Variants in RAB38 observed in about 807,000 individuals in gnomAD.
RAB38 encodes the protein ras-related protein Rab-38.
In RAB38, 15 loss-of-function variants were observed where a neutral mutation model predicts 18.4. That is an observed-to-expected ratio of 0.82 (90% confidence interval 0.55 to 1.26). The LOEUF (loss-of-function observed/expected upper bound fraction) is 1.26, where lower values mean the gene tolerates loss of function less well. Among genes scored for constraint, RAB38 ranks in the 50% most tolerant of loss-of-function variants. The pLI is 0.00. For missense variants in RAB38, 294 were observed against 267.4 expected (o/e 1.10, Z -0.69); for synonymous variants, 101 against 104.4 (o/e 0.97, Z 0.20).
chr11:87,904,701 A>C, the RAB38 span, among the ~76,000 whole-genome samples: 447 of 132,944 alleles, frequency 3.4e-3, 4 homozygotes, highest in African/African-American at 0.015. Flanking sequence ...TCCCTCCAAC[A>C]GTGTATAAGT....
the RAB38 span, among the ~76,000 whole-genome samples, chr11:87,818,687 T>C: frequency 6.6e-6 from 1 of 152,180 alleles, no homozygotes; most frequent in African/African-American, 2.4e-5. Context: ...ACAGACTTAC[T>C]AGTTTTTTTA....
At chr11:87,967,910 T>C in the RAB38 span, among the ~76,000 whole-genome samples, 1 of 152,090 alleles carries the variant, frequency 6.6e-6, no homozygotes, top group Admixed American at 6.6e-5. Flanking sequence ...GCGGGAGGTG[T>C]TGGGTGTGTA....
At chr11:87,809,919 A>G in the RAB38 span, among the ~76,000 whole-genome samples, 4 of 149,928 alleles carry the variant, frequency 2.7e-5, no homozygotes, top group African/African-American at 7.4e-5. Flanking sequence ...AAAATATTAT[A>G]TCTCTTTTGA....
chr11:87,897,244 G>T, the RAB38 span, among the ~76,000 whole-genome samples: 1 of 151,490 alleles, frequency 6.6e-6, no homozygotes, highest in Non-Finnish European at 1.5e-5. Context: ...GAATCAGCCA[G>T]TATGTTTACA....
chr11:88,029,470 G>A, the RAB38 span, among the ~76,000 whole-genome samples: 5 of 152,110 alleles, frequency 3.3e-5, no homozygotes, highest in Admixed American at 6.6e-5. Context: ...TCAGTGTGCG[G>A]TATTCAGGAA....
the RAB38 span, among the ~76,000 whole-genome samples, chr11:88,043,611 C>A: frequency 8.0e-6 from 1 of 125,728 alleles, no homozygotes; most frequent in African/African-American, 2.7e-5. Context: ...GACCCCCCCA[C>A]CCTGCCCACC....
At chr11:88,118,770 T>C (rs1472775483) in intron 2 of RAB38, among the ~76,000 whole-genome samples, 1 of 152,206 alleles carries the variant, frequency 6.6e-6, no homozygotes, top group Non-Finnish European at 1.5e-5. Context: ...GAATCTTTCA[T>C]TGGTACTGAT....
In RAB38 at chr11:88,175,230, T is replaced by G. The variant is rs931876479; in HGVS notation, c.155A>C (p.His52Pro). The change falls in exon 1 of 3, where the codon CAC becomes CCC. Residue 52 changes from histidine (H) to proline (P), a missense_variant. His to Pro is a moderately conservative substitution (Grantham distance 77). Transcript: ENST00000243662. Reference protein sequence around the residue: ...IGVDFALKVLHWDPETVVRLQ... With the variant: ...IGVDFALKVLPWDPETVVRLQ... Reference sequence around the variant, plus strand: ...GCGCACCACAGTCTCCGGGTCCCAGTGGAGCACCTTGAGCGCGAAGTCCAC... The same window carrying G: ...GCGCACCACAGTCTCCGGGTCCCAGGGGAGCACCTTGAGCGCGAAGTCCAC... 1.2e-6 allele frequency: 2 copies of G among 1,613,954 alleles called. No homozygotes were observed. The highest frequency in any genetic ancestry group is 2.7e-5 in the African/African-American group (2 of 75,058).
the RAB38 span, among the ~76,000 whole-genome samples, chr11:88,038,868 G>A: frequency 6.6e-6 from 1 of 152,078 alleles, no homozygotes; most frequent in Non-Finnish European, 1.5e-5. Flanking sequence ...AATCCACATT[G>A]CAATCAGCAA....
At chr11:87,937,883 T>G in the RAB38 span, among the ~76,000 whole-genome samples, 5 of 151,446 alleles carry the variant, frequency 3.3e-5, no homozygotes, top group Non-Finnish European at 7.4e-5. Context: ...TTTTTTTTTT[T>G]TTTTTTTTAT....
chr11:88,023,297 A>G, the RAB38 span, among the ~76,000 whole-genome samples: 1 of 152,006 alleles, frequency 6.6e-6, no homozygotes, highest in African/African-American at 2.4e-5. Context: ...ATGTTTTTCC[A>G]TTTATAATAG....
chr11:87,955,507 A>AAAGTT, the RAB38 span, among the ~76,000 whole-genome samples: 1 of 152,286 alleles, frequency 6.6e-6, no homozygotes, highest in East Asian at 1.9e-4. Flanking sequence ...ATCTAAAATA[A>AAAGTT]AAGTTAAAAT....
the RAB38 span, among the ~76,000 whole-genome samples, chr11:88,077,355 A>T: frequency 2.6e-5 from 4 of 151,944 alleles, no homozygotes; most frequent in Admixed American, 2.0e-4. Context: ...AATCCTGATT[A>T]AAAAAAACAA....
the RAB38 span, among the ~76,000 whole-genome samples, chr11:87,951,990 T>A: frequency 1.3e-5 from 2 of 152,204 alleles, no homozygotes; most frequent in Non-Finnish European, 2.9e-5. Flanking sequence ...AGACAGGAGC[T>A]GTTCCTATTC....
At chr11:87,938,293 T>A in the RAB38 span, among the ~76,000 whole-genome samples, 2 of 151,992 alleles carry the variant, frequency 1.3e-5, no homozygotes, top group Non-Finnish European at 2.9e-5. Flanking sequence ...TTCTACTAGG[T>A]TGTCTTTGAC....
chr11:88,019,021 C>T, the RAB38 span, among the ~76,000 whole-genome samples: 5,053 of 152,008 alleles, frequency 0.033, 223 homozygotes, highest in South Asian at 0.075. Flanking sequence ...CTGACCACTT[C>T]TTTTCTATTT....
the RAB38 span, among the ~76,000 whole-genome samples, chr11:88,050,923 C>A: frequency 6.6e-6 from 1 of 152,096 alleles, no homozygotes; most frequent in Non-Finnish European, 1.5e-5. Context: ...TGCTGCCTGG[C>A]TCCAGATGGA....
At chr11:87,897,197 T>C in the RAB38 span, among the ~76,000 whole-genome samples, 332 of 151,738 alleles carry the variant, frequency 2.2e-3, 2 homozygotes, top group African/African-American at 7.2e-3. Flanking sequence ...AAAATCTGCA[T>C]CCTTCCTGGT....
At chr11:87,869,820 A>C in the RAB38 span, among the ~76,000 whole-genome samples, 1 of 151,690 alleles carries the variant, frequency 6.6e-6, no homozygotes, top group Non-Finnish European at 1.5e-5. Context: ...CAAATGAAGG[A>C]GATGAGCAGT....
Sources: gnomAD v4.1 joint callset for allele counts (sites outside exome capture counted in the v4.1 genomes callset) on GRCh38, gnomAD v4.1.1 for gene constraint, MANE v1.5 for transcripts, NCBI Gene and HGNC (gene_info 2026-07-23, HGNC 2026-07-21) for gene names.